Variants in MACROD2 observed in about 807,000 individuals in gnomAD.
The protein encoded by MACROD2 is ADP-ribose glycohydrolase MACROD2.
A neutral mutation model predicts 70.4 loss-of-function variants in MACROD2; 36 were observed. That is an observed-to-expected ratio of 0.51 (90% CI 0.39 to 0.68). The LOEUF is 0.68. Ranked by LOEUF, MACROD2 falls within the 30% of genes least tolerant of loss-of-function variation. The pLI is 0.00. For missense variants in MACROD2, 496 were observed against 538.4 expected (o/e 0.92, Z 0.78); for synonymous variants, 172 against 178.8 (o/e 0.96, Z 0.30).
intron 8 of MACROD2, among the ~76,000 whole-genome samples, chr20:15,585,869 A>C (rs894413058): frequency 1.3e-5 from 2 of 152,116 alleles, no homozygotes; most frequent in Admixed American, 1.3e-4. Flanking sequence ...CCATTACCAA[A>C]ACCCGTCACA....
chr20:14,020,611 G>A (rs1041276939), intron 2 of MACROD2, among the ~76,000 whole-genome samples: 3 of 152,144 alleles, frequency 2.0e-5, no homozygotes, highest in Non-Finnish European at 4.4e-5. Flanking sequence ...TGGTAACTCT[G>A]GGAATCAGAT....
intron 2 of MACROD2, among the ~76,000 whole-genome samples, chr20:14,061,073 A>G (rs528446152): frequency 2.4e-4 from 37 of 152,270 alleles, no homozygotes; most frequent in African/African-American, 8.7e-4. Context: ...AATCATTTGT[A>G]TATGTATATA....
At chr20:15,436,051 C>T (rs920847103) in intron 7 of MACROD2, among the ~76,000 whole-genome samples, 1 of 152,118 alleles carries the variant, frequency 6.6e-6, no homozygotes, top group African/African-American at 2.4e-5. Context: ...GTTAGTCCCC[C>T]TGGGGTTGAA....
intron 8 of MACROD2, among the ~76,000 whole-genome samples, chr20:15,513,814 T>C (rs1016884897): frequency 6.6e-6 from 1 of 152,158 alleles, no homozygotes; most frequent in South Asian, 2.1e-4. Flanking sequence ...TAACTAAAAA[T>C]ACAGTCATGT....
chr20:15,200,554 A>G (rs1167514013), intron 5 of MACROD2, among the ~76,000 whole-genome samples: 1 of 152,210 alleles, frequency 6.6e-6, no homozygotes, highest in African/African-American at 2.4e-5. Flanking sequence ...GTGAAACCAT[A>G]TTAACTACGT....
intron 5 of MACROD2, among the ~76,000 whole-genome samples, chr20:14,976,734 A>G (rs1273522090): frequency 6.6e-6 from 1 of 152,094 alleles, no homozygotes; most frequent in Non-Finnish European, 1.5e-5. Flanking sequence ...TCAAATCATC[A>G]CTTCCCAACT....
intron 3 of MACROD2, among the ~76,000 whole-genome samples, chr20:14,309,963 C>A (rs1268294150): frequency 6.6e-6 from 1 of 152,034 alleles, no homozygotes; most frequent in Non-Finnish European, 1.5e-5. Flanking sequence ...CATATAGATT[C>A]CAGACTCTTC....
chr20:15,934,064 TAGGCACAATCATTCACTCACCAACATA>T (rs1226443372), intron 11 of MACROD2, among the ~76,000 whole-genome samples: 4 of 152,174 alleles, frequency 2.6e-5, no homozygotes, highest in African/African-American at 9.7e-5. Flanking sequence ...AAAAGAATGA[TAGGCACAATCATTCACTCACCAACATA>T]ACCAGCAAAA....
At chr20:15,723,538 G>T (rs74693239) in intron 8 of MACROD2, among the ~76,000 whole-genome samples, 2 of 152,144 alleles carry the variant, frequency 1.3e-5, no homozygotes, top group African/African-American at 4.8e-5. Context: ...GAATCATACA[G>T]TAAGTAGCCT....
chr20:14,662,335 A>C (rs1260670021), intron 4 of MACROD2, among the ~76,000 whole-genome samples: 1 of 152,126 alleles, frequency 6.6e-6, no homozygotes, highest in Admixed American at 6.6e-5. Flanking sequence ...ACAAAAATTA[A>C]CTCAAAATGG....
At chr20:15,583,140 G>A (rs1278894867) in intron 8 of MACROD2, among the ~76,000 whole-genome samples, 1 of 152,112 alleles carries the variant, frequency 6.6e-6, no homozygotes, top group Non-Finnish European at 1.5e-5. Context: ...AACCCAGGAG[G>A]GTACCAGTGC....
In MACROD2 at chr20:15,222,913, C is replaced by G. The variant is rs2076874120; in HGVS notation, c.419-7027C>G. 2.0e-5 allele frequency among the ~76,000 whole-genome samples: 3 copies of G among 152,304 alleles called. No homozygotes were observed. In the South Asian group the frequency reaches 6.2e-4, roughly 32 times the overall value. On this transcript the variant is annotated intron_variant, in intron 5 of 17. Transcript: ENST00000684519. ...TCTACTGCTTTCAATATTTATTTGG[C>G]ATTTCAATCACATATTTTTCAATTT...
At chr20:15,873,926 G>T (rs2064623823) in intron 9 of MACROD2, among the ~76,000 whole-genome samples, 1 of 151,698 alleles carries the variant, frequency 6.6e-6, no homozygotes, top group Admixed American at 6.6e-5. Flanking sequence ...TTTTTTATTT[G>T]TTATTATACT....
At chr20:14,920,104 A>G (rs2074143377) in intron 5 of MACROD2, among the ~76,000 whole-genome samples, 1 of 152,176 alleles carries the variant, frequency 6.6e-6, no homozygotes. Flanking sequence ...GAGATAAAGT[A>G]TATGAATTAA....
At chr20:15,145,394 A>G (rs1055366441) in intron 5 of MACROD2, among the ~76,000 whole-genome samples, 3 of 152,164 alleles carry the variant, frequency 2.0e-5, no homozygotes, top group Non-Finnish European at 2.9e-5. Flanking sequence ...CATGTTTTTC[A>G]TACGACACCA....
At chr20:15,705,130 G>A (rs1402357696) in intron 8 of MACROD2, among the ~76,000 whole-genome samples, 32 of 151,978 alleles carry the variant, frequency 2.1e-4, no homozygotes, top group Admixed American at 2.1e-3. Flanking sequence ...AAATTGATGT[G>A]TTTTATTTAC....
intron 5 of MACROD2, among the ~76,000 whole-genome samples, chr20:15,226,552 CA>C (rs113136308): frequency 0.034 from 5,140 of 152,182 alleles, 289 homozygotes; most frequent in African/African-American, 0.12. Context: ...TAAATCAATA[CA>C]AATCATCATT....
rs1358497250 is a variant in MACROD2 at position 14,040,477 on chromosome 20, T to C, written c.163+38073T>C. ...TTGGTTACATGAATAAGTTCTTTAGTAGTGATTTCTGAGTTTTTGGTGTAC... is the reference window on the plus strand; with the variant it reads ...TTGGTTACATGAATAAGTTCTTTAGCAGTGATTTCTGAGTTTTTGGTGTAC... On this transcript the variant is annotated intron_variant, in intron 2 of 17. Coordinates refer to ENST00000684519, the MANE Select transcript of MACROD2 (RefSeq NM_001351661.2). 3.9e-5 allele frequency among the ~76,000 whole-genome samples: 6 copies of C among 152,302 alleles called. No individual in the cohort carries two copies. In the East Asian group the frequency reaches 5.8e-4, roughly 15 times the overall value.
intron 3 of MACROD2, among the ~76,000 whole-genome samples, chr20:14,249,126 A>C (rs2081989832): frequency 7.4e-6 from 1 of 135,570 alleles, no homozygotes; most frequent in South Asian, 2.3e-4. Context: ...ATGATTTCAA[A>C]GGTTTTTTTT....
Sources: allele counts gnomAD v4.1 joint callset (sites outside exome capture counted in the v4.1 genomes callset), GRCh38; gene constraint gnomAD v4.1.1; transcripts MANE v1.5; gene names NCBI Gene and HGNC (gene_info 2026-07-23, HGNC 2026-07-21).